Variants in LEF1 observed in about 807,000 individuals in gnomAD.
The protein encoded by LEF1 is lymphoid enhancer-binding factor 1.
Under a neutral mutation model 51.2 loss-of-function variants are expected in LEF1, and 14 were observed. The observed-to-expected ratio is 0.27, with a 90% CI of 0.18 to 0.43. LEF1 has a LOEUF of 0.43. LEF1 is among the 20% of genes least tolerant of loss of function. The pLI is 1.00. For synonymous variants in LEF1, 185 were observed against 183.2 expected (o/e 1.01, Z -0.08); for missense variants, 386 against 512.0 (o/e 0.75, Z 2.37).
chr4:108,159,332 A>G (rs1744925990), intron 3 of LEF1, among the ~76,000 whole-genome samples: 1 of 152,236 alleles, frequency 6.6e-6, no homozygotes, highest in African/African-American at 2.4e-5. Flanking sequence ...AGTTAGAATA[A>G]TACACTTTCT....
At chr4:108,145,024 C>T (rs1380798803) in intron 3 of LEF1, among the ~76,000 whole-genome samples, 2 of 152,166 alleles carry the variant, frequency 1.3e-5, no homozygotes, top group African/African-American at 4.8e-5. Context: ...CTTTCCCCAG[C>T]CATCAATCTA....
chr4:108,165,173 T>C lies in LEF1; in HGVS notation c.214-10A>G, dbSNP rs374147712. 10 of 1,613,456 alleles carry C rather than the reference T, an allele frequency of 6.2e-6. No individual in the cohort carries two copies. In the African/African-American group the frequency reaches 1.3e-4, roughly 22 times the overall value. ...GTGCTTGTCTGGCCACCTAACATCA[T>C]GAATCCCCACACCCAAAAGAAAGAA... On this transcript the variant is annotated splice_polypyrimidine_tract_variant and intron_variant, in intron 1 of 11. Coordinates refer to ENST00000265165, the MANE Select transcript of LEF1 (RefSeq NM_016269.5).
chr4:108,117,960 T>C lies in LEF1; in HGVS notation c.415-28703A>G, dbSNP rs905155647. Among the ~76,000 whole-genome samples the C allele has an allele frequency of 2.6e-5, 4 of 152,228 alleles. No individual in the cohort carries two copies. The South Asian group carries it at 8.3e-4, about 32-fold the overall frequency. ...AGCCACAATTACTATTACTAGCATT[T>C]GGGGCAGTCATTATGAGCCAAGTAC... On this transcript the variant is annotated intron_variant, in intron 3 of 11. Coordinates refer to ENST00000265165, the MANE Select transcript of LEF1 (RefSeq NM_016269.5).
At chr4:108,065,365 A>G (rs1332405059) in intron 9 of LEF1, among the ~76,000 whole-genome samples, 1 of 152,158 alleles carries the variant, frequency 6.6e-6, no homozygotes, top group Non-Finnish European at 1.5e-5. Context: ...TGCGCCTGTA[A>G]TCTCAGCTAC....
rs148318534 is a variant in LEF1 at position 108,165,938 on chromosome 4, C to T, written c.214-775G>A. Among the ~76,000 whole-genome samples, 4 of 152,280 alleles carry T rather than the reference C, an allele frequency of 2.6e-5. No homozygotes were observed. In the East Asian group the frequency reaches 7.7e-4, roughly 29 times the overall value. On this transcript the variant is annotated intron_variant, in intron 1 of 11. Transcript: ENST00000265165. ...GTGCTCTCGGATTCGAACGCAGTGT[C>T]CTTCACCCGGACCAGAAAATTGTGG...
intron 4 of LEF1, among the ~76,000 whole-genome samples, 195 bp from the exon 5 acceptor site, chr4:108,083,641 G>C (rs192270356): frequency 5.9e-5 from 9 of 152,312 alleles, no homozygotes; most frequent in Non-Finnish European, 1.2e-4. Flanking sequence ...CCTTCAGAGA[G>C]TATTATCTTA....
intron 3 of LEF1, among the ~76,000 whole-genome samples, chr4:108,116,488 C>A (rs929162194): frequency 2.0e-5 from 3 of 152,184 alleles, no homozygotes; most frequent in African/African-American, 4.8e-5. Flanking sequence ...CACCACTGTA[C>A]CCCAACCTAG....
At chr4:108,060,769 C>T (rs909398029) in intron 11 of LEF1, among the ~76,000 whole-genome samples, 9 of 151,902 alleles carry the variant, frequency 5.9e-5, no homozygotes, top group Admixed American at 3.3e-4. Flanking sequence ...ATCAACTACC[C>T]TCACAGCAAC....
At chr4:108,107,630 TAA>T (rs1331323801) in intron 3 of LEF1, among the ~76,000 whole-genome samples, 1 of 152,190 alleles carries the variant, frequency 6.6e-6, no homozygotes, top group Non-Finnish European at 1.5e-5. Flanking sequence ...TAGCTTTTCA[TAA>T]AGTTTCTCCC....
intron 3 of LEF1, among the ~76,000 whole-genome samples, chr4:108,129,507 C>T (rs1296703806): frequency 6.6e-6 from 1 of 152,134 alleles, no homozygotes; most frequent in Non-Finnish European, 1.5e-5. Flanking sequence ...ATTTTGAATG[C>T]TTTGTTCTAT....
chr4:108,053,113 C>A (rs1274879078), intron 11 of LEF1, among the ~76,000 whole-genome samples: 1 of 152,190 alleles, frequency 6.6e-6, no homozygotes, highest in Non-Finnish European at 1.5e-5. Context: ...CCCCAGGCAA[C>A]AACCCCTGTA....
At chr4:108,071,625 A>C (rs1198163775) in intron 8 of LEF1, 1 of 152,226 alleles carries the variant, frequency 6.6e-6, no homozygotes, top group African/African-American at 2.4e-5. Context: ...TTACATTTGC[A>C]CACTGCTTTG....
At chr4:108,102,250 C>A (rs1740876260) in intron 3 of LEF1, among the ~76,000 whole-genome samples, 1 of 152,118 alleles carries the variant, frequency 6.6e-6, no homozygotes, top group Non-Finnish European at 1.5e-5. Flanking sequence ...ATTTAAGACA[C>A]AGAGCAGGAG....
intron 3 of LEF1, among the ~76,000 whole-genome samples, chr4:108,146,525 A>G (rs1336915231): frequency 6.6e-6 from 1 of 152,230 alleles, no homozygotes; most frequent in Non-Finnish European, 1.5e-5. Flanking sequence ...CTTCACCTCT[A>G]GAGCAGAAAA....
Position 108,167,475 on chromosome 4 carries a change from C to T in LEF1, c.213+80G>A, listed in dbSNP as rs1015173082. On this transcript the variant is annotated intron_variant, in intron 1 of 11. Transcript: ENST00000265165. This position sits in a 1 kb window ranked among gnomAD's most constrained non-coding sequence, Gnocchi z 5.7. ...CGGGACCCTCAGCCGGGCGGCCGGG[C>T]GCCTTCGTTCCCTTCCTCCCTCTCT... The T allele has an allele frequency of 4.1e-5, 60 of 1,451,436 alleles. No individual in the cohort carries two copies. Among genetic ancestry groups the T allele is most frequent in the Non-Finnish European group, 5.4e-5 (57 of 1,051,312 alleles). The allele number at this position is 1,451,436 out of a possible 1,614,324, so 89.9% of individuals were successfully genotyped here.
chr4:108,099,602 ATATATATATATATAT>A (rs1740665590), intron 3 of LEF1, among the ~76,000 whole-genome samples: 1 of 131,692 alleles, frequency 7.6e-6, no homozygotes, highest in Non-Finnish European at 1.6e-5. Context: ...ATATATATAT[ATATATATATATATAT>A]AAATAATACT....
At chr4:108,115,939 T>C (rs893416868) in intron 3 of LEF1, among the ~76,000 whole-genome samples, 1 of 151,688 alleles carries the variant, frequency 6.6e-6, no homozygotes, top group Admixed American at 6.6e-5. Context: ...TCCTCTTTAC[T>C]GCTTTCTTCC....
chr4:108,125,621 T>C (rs1742477213), intron 3 of LEF1, among the ~76,000 whole-genome samples: 1 of 152,218 alleles, frequency 6.6e-6, no homozygotes, highest in South Asian at 2.1e-4. Flanking sequence ...AGCAGATATG[T>C]ACATATTGCT....
intron 7 of LEF1, among the ~76,000 whole-genome samples, chr4:108,078,649 T>C (rs1230070336): frequency 6.6e-6 from 1 of 152,152 alleles, no homozygotes; most frequent in Non-Finnish European, 1.5e-5. Flanking sequence ...CCTGTCATTA[T>C]AGAACTATGA....
Sources: allele counts gnomAD v4.1 joint callset (sites outside exome capture counted in the v4.1 genomes callset), GRCh38; gene constraint gnomAD v4.1.1; non-coding constraint Gnocchi (gnomAD v3.1); transcripts MANE v1.5; gene names NCBI Gene and HGNC (gene_info 2026-07-23, HGNC 2026-07-21).